CBLB: variants seen among roughly 807,000 people sequenced by gnomAD.
The protein encoded by CBLB is Cbl proto-oncogene B.
Under a neutral mutation model 104.9 loss-of-function variants are expected in CBLB, and 31 were observed. The observed-to-expected ratio is 0.30, with a 90% CI of 0.22 to 0.40. The LOEUF (loss-of-function observed/expected upper bound fraction) is 0.40. Among genes scored for constraint, CBLB ranks in the 10% least tolerant of loss-of-function variants. The pLI, the probability that CBLB is intolerant of heterozygous loss-of-function variation, is 1.00. For synonymous variants in CBLB, 440 were observed against 422.6 expected (o/e 1.04, Z -0.51); for missense variants, 1,062 against 1,214.6 (o/e 0.87, Z 1.87).
intron 4 of CBLB, among the ~76,000 whole-genome samples, chr3:105,770,911 A>G (rs1206305405): frequency 6.6e-6 from 1 of 152,224 alleles, no homozygotes; most frequent in East Asian, 1.9e-4. Context: ...TAATTTTAAA[A>G]ATGCAAACAG....
rs1184265185 is a variant in CBLB at position 105,659,112 on chromosome 3, A to G, written c.2807T>C (p.Ile936Thr). The change falls in exon 19 of 19, where the codon ATT becomes ACT. Residue 936 changes from isoleucine (I) to threonine (T), a missense_variant. Ile to Thr is a moderately conservative substitution (Grantham distance 89, BLOSUM62 -1). Transcript: ENST00000394030. ...EAALENVDAK[I>T]AKLMGEGYAF... ...ATAACCCTCTCCCATGAGTTTTGCA[A>G]TTTTTGCATCGACATTTTCCAATGC... The G allele has an allele frequency of 6.2e-7, 1 of 1,613,742 alleles. No homozygotes were observed. Among genetic ancestry groups the G allele is most frequent in the East Asian group, 2.2e-5 (1 of 44,870 alleles).
At position 105,861,720 on chromosome 3, in the gene CBLB, C is replaced by G. The variant is rs544022156; in HGVS notation, c.168+5690G>C. On this transcript the variant is annotated intron_variant, in intron 2 of 18. Transcript: ENST00000394030. ...ACACACACACACATACATACACACA[C>G]ACACACACAGAGTTATTTCAATGAT... 9.9e-5 allele frequency among the ~76,000 whole-genome samples: 15 copies of G among 151,628 alleles called. No homozygotes were observed. In the East Asian group the frequency reaches 2.5e-3, roughly 25 times the overall value.
chr3:105,688,987 A>C (rs1344342831), intron 13 of CBLB, among the ~76,000 whole-genome samples: 1 of 151,982 alleles, frequency 6.6e-6, no homozygotes, highest in African/African-American at 2.4e-5. Flanking sequence ...TTGCTCCCTT[A>C]CTTCCTTCAA....
chr3:105,801,592 GTCT>G (rs911512698), intron 3 of CBLB, among the ~76,000 whole-genome samples: 12 of 152,286 alleles, frequency 7.9e-5, no homozygotes, highest in African/African-American at 2.6e-4. Flanking sequence ...ACATGAAATG[GTCT>G]TCTTCACTTT....
chr3:105,766,898 C>T (rs892935229), intron 4 of CBLB, among the ~76,000 whole-genome samples: 11 of 152,114 alleles, frequency 7.2e-5, no homozygotes, highest in Non-Finnish European at 1.3e-4. Context: ...TCTAATGGTA[C>T]AGAGCTGATT....
At position 105,859,427 on chromosome 3, in the gene CBLB, G is replaced by A. The variant is rs548713930; in HGVS notation, c.169-5763C>T. 6.6e-5 allele frequency among the ~76,000 whole-genome samples: 10 copies of A among 152,232 alleles called. No homozygotes were observed. In the East Asian group the frequency reaches 1.2e-3, roughly 18 times the overall value. On this transcript the variant is annotated intron_variant, in intron 2 of 18. Transcript: ENST00000394030. ...AGCACTTTGGGAGGCCGAGGCGAGC[G>A]GATCACGAGGTCAGGAGATCGAGAA...
chr3:105,770,866 C>A (rs773405321), intron 4 of CBLB, among the ~76,000 whole-genome samples: 4 of 152,120 alleles, frequency 2.6e-5, no homozygotes, highest in Middle Eastern at 6.8e-3. Context: ...TTTACTGCCA[C>A]CCAATAACAA....
chr3:105,705,775 G>C (rs2070022086), intron 10 of CBLB, among the ~76,000 whole-genome samples: 2 of 152,124 alleles, frequency 1.3e-5, no homozygotes. Context: ...CTCTTTGCAA[G>C]GAAGTCACTG....
At chr3:105,753,198 G>A (rs1398237384) in intron 4 of CBLB, among the ~76,000 whole-genome samples, 1 of 151,948 alleles carries the variant, frequency 6.6e-6, no homozygotes. Context: ...GAGAGTTTAG[G>A]TTTCAGGTAC....
At chr3:105,684,909 A>G (rs2066820034) in intron 14 of CBLB, among the ~76,000 whole-genome samples, 1 of 152,234 alleles carries the variant, frequency 6.6e-6, no homozygotes, top group Non-Finnish European at 1.5e-5. Flanking sequence ...TAGAAAAACA[A>G]AAAGTTAAGA....
At chr3:105,813,909 A>G (rs1328995233) in intron 3 of CBLB, among the ~76,000 whole-genome samples, 3 of 152,176 alleles carry the variant, frequency 2.0e-5, no homozygotes, top group African/African-American at 7.2e-5. Flanking sequence ...CAGCATTTCA[A>G]TGAAAACCTG....
intron 3 of CBLB, among the ~76,000 whole-genome samples, chr3:105,807,931 T>C (rs113167524): frequency 1.1e-3 from 172 of 152,322 alleles, no homozygotes; most frequent in African/African-American, 4.0e-3. Flanking sequence ...CCTTGATGCG[T>C]CAGTGAGTGC....
intron 3 of CBLB, among the ~76,000 whole-genome samples, chr3:105,814,082 T>TA (rs910070963): frequency 2.6e-4 from 40 of 152,090 alleles, no homozygotes; most frequent in African/African-American, 9.7e-4. Context: ...AATGAAAATT[T>TA]AAAAAAAGAT....
chr3:105,702,310 C>T lies in CBLB; in HGVS notation c.1743G>A (p.Val581=), dbSNP rs1362597703. 8 of 1,613,728 alleles carry T rather than the reference C, an allele frequency of 5.0e-6. No homozygotes were observed. Among genetic ancestry groups the T allele is most frequent in the Middle Eastern group, 1.7e-4 (1 of 6,060 alleles). The change falls in exon 12 of 19, where the codon GTG becomes GTA. Residue 581 remains valine (V), a synonymous_variant. Transcript: ENST00000394030. The part of the protein sequence containing the change: ...LSRHIHHVES[V]PSRDPPMPLE... ...GAGGCATTGGCGGGTCTCTGGAAGG[C>T]ACGCTTTCCACATGATGGATGTGTC...
At position 105,656,662 on chromosome 3, in the gene CBLB, T is replaced by C. The variant is rs2063371749; in HGVS notation, c.*2308A>G. The stretch of plus-strand genomic sequence containing the variant: ...AGGTCCAGGTTTGCTATATCATCAC[T>C]AGTCCTTTTTTAATTCTCACTGGAA... On this transcript the variant is annotated 3_prime_UTR_variant, in exon 19 of 19. Coordinates refer to ENST00000394030, the MANE Select transcript of CBLB (RefSeq NM_170662.5). The C allele has an allele frequency of 1.5e-5, 2 of 133,438 alleles. No homozygotes were observed. Among genetic ancestry groups the C allele is most frequent in the Non-Finnish European group, 2.9e-5 (2 of 67,912 alleles). The allele number at this position is 133,438 out of a possible 1,614,324, so 8.3% of individuals were successfully genotyped here.
At chr3:105,664,473 A>T (rs2064151723) in intron 18 of CBLB, among the ~76,000 whole-genome samples, 1 of 152,232 alleles carries the variant, frequency 6.6e-6, no homozygotes, top group Non-Finnish European at 1.5e-5. Context: ...ATGTGCATAG[A>T]CAAAACATTT....
At position 105,678,571 on chromosome 3, in the gene CBLB, C is replaced by G; in HGVS notation, c.2429G>C (p.Gly810Ala). The change falls in exon 17 of 19, where the codon GGT becomes GCT. Residue 810 changes from glycine (G) to alanine (A), a missense_variant and splice_region_variant. Transcript: ENST00000394030. ...AGGGAGGGCATCAAAAGCATCTTCA[C>G]CTGCATTTAAAGAAAGGTCGATATC... is the stretch of plus-strand genomic sequence containing the variant. Reference protein sequence around the residue: ...SDYDLLIPPLGEDAFDALPPS... With the variant: ...SDYDLLIPPLAEDAFDALPPS... The G allele has an allele frequency of 3.7e-6, 6 of 1,612,478 alleles. No individual in the cohort carries two copies. Among genetic ancestry groups the G allele is most frequent in the Non-Finnish European group, 5.1e-6 (6 of 1,179,110 alleles).
chr3:105,842,089 G>A (rs1181266407), intron 3 of CBLB, among the ~76,000 whole-genome samples: 7 of 152,076 alleles, frequency 4.6e-5, no homozygotes, highest in African/African-American at 1.7e-4. Flanking sequence ...GAGTCAGGCA[G>A]GTTTACTGTC....
At chr3:105,670,720 C>T (rs541767695) in intron 17 of CBLB, 42 of 233,662 alleles carry the variant, frequency 1.8e-4, no homozygotes, top group African/African-American at 9.6e-4. Context: ...AACAAACAAA[C>T]AAATATACAT....
Sources: gnomAD v4.1 joint callset for allele counts (sites outside exome capture counted in the v4.1 genomes callset) on GRCh38, gnomAD v4.1.1 for gene constraint, MANE v1.5 for transcripts, NCBI Gene and HGNC (gene_info 2026-07-23, HGNC 2026-07-21) for gene names.